Variants in EHMT1 observed in about 807,000 individuals in gnomAD.
EHMT1 encodes the protein histone-lysine N-methyltransferase EHMT1.
EHMT1 carries 15 observed loss-of-function variants against 147.2 expected under a neutral mutation model. That is an observed-to-expected ratio of 0.10 (90% confidence interval 0.07 to 0.16). The LOEUF is 0.16. Among genes scored for constraint, EHMT1 ranks in the 10% least tolerant of loss-of-function variants. The pLI, the probability that EHMT1 is intolerant of heterozygous loss-of-function variation, is 1.00. For synonymous variants in EHMT1, 795 were observed against 709.6 expected (o/e 1.12, Z -1.91); for missense variants, 1,587 against 1,772.4 (o/e 0.90, Z 1.88).
intron 10 of EHMT1, among the ~76,000 whole-genome samples, chr9:137,769,859 C>A (rs1950481422): frequency 6.6e-6 from 1 of 152,022 alleles, no homozygotes; most frequent in African/African-American, 2.4e-5. Flanking sequence ...TTTTTTGAGA[C>A]AGGGTCTTAC....
chr9:137,712,255 C>G (rs1308181525), intron 2 of EHMT1, among the ~76,000 whole-genome samples: 1 of 152,240 alleles, frequency 6.6e-6, no homozygotes, highest in Non-Finnish European at 1.5e-5. Flanking sequence ...GAACTTGTTT[C>G]CTACGTGACA....
At chr9:137,682,412 A>G (rs1271494130) in intron 1 of EHMT1, among the ~76,000 whole-genome samples, 1 of 152,190 alleles carries the variant, frequency 6.6e-6, no homozygotes, top group African/African-American at 2.4e-5. Context: ...TGGAAAATTT[A>G]TGATTTCTAA....
At chr9:137,800,420 C>T (rs10780191) in intron 17 of EHMT1, 187,178 of 207,308 alleles carry the variant, frequency 0.9, 87,128 homozygotes, top group South Asian at 0.99. Context: ...CTCTCCTGCA[C>T]GGAGCCACCA....
At chr9:137,668,600 A>G (rs1939975301) in intron 1 of EHMT1, among the ~76,000 whole-genome samples, 1 of 152,200 alleles carries the variant, frequency 6.6e-6, no homozygotes, top group Non-Finnish European at 1.5e-5. Flanking sequence ...TTATACCATT[A>G]GCAGTTCCTT....
intron 16 of EHMT1, chr9:137,792,197 G>A (rs1032369819): frequency 4.6e-6 from 2 of 434,906 alleles, no homozygotes; most frequent in Non-Finnish European, 9.4e-6. Context: ...AAACAGTGTG[G>A]GACTGGCATA....
chr9:137,724,722 G>C (rs770011940), intron 3 of EHMT1, among the ~76,000 whole-genome samples: 10 of 152,210 alleles, frequency 6.6e-5, no homozygotes, highest in Non-Finnish European at 1.2e-4. Context: ...GTGACATAAA[G>C]GGGGACCGAC....
chr9:137,771,181 C>T (rs902851090), intron 10 of EHMT1, among the ~76,000 whole-genome samples: 23 of 150,674 alleles, frequency 1.5e-4, no homozygotes, highest in African/African-American at 5.2e-4. Context: ...CTCAGAGCTG[C>T]CTCCATCTTC....
At chr9:137,717,228 T>G (rs776863564) in intron 3 of EHMT1, 46 bp downstream of exon 3, 1 of 1,602,160 alleles carries the variant, frequency 6.2e-7, no homozygotes, top group Admixed American at 1.7e-5. Flanking sequence ...CCATCTCTTT[T>G]GTTTTAATAA....
At chr9:137,721,494 C>T (rs1328462035) in intron 3 of EHMT1, among the ~76,000 whole-genome samples, 1 of 81,996 alleles carries the variant, frequency 1.2e-5, no homozygotes, top group African/African-American at 5.6e-5. Flanking sequence ...CGCCTCTCAC[C>T]TTCTCACACG....
intron 25 of EHMT1, among the ~76,000 whole-genome samples, chr9:137,829,930 TAAAC>T (rs1453816780): frequency 1.3e-5 from 2 of 152,214 alleles, no homozygotes; most frequent in Non-Finnish European, 2.9e-5. Flanking sequence ...TTTAAATAAA[TAAAC>T]CTTAAACCTG....
chr9:137,672,894 T>TC (rs1348218468), intron 1 of EHMT1, among the ~76,000 whole-genome samples: 1 of 152,246 alleles, frequency 6.6e-6, no homozygotes, highest in Non-Finnish European at 1.5e-5. Context: ...AATGTGGTCT[T>TC]CTACCAGGAA....
rs115664680 is a variant in EHMT1 at position 137,750,336 on chromosome 9, C to T, written c.1171-1995C>T. Reference sequence around the variant, plus strand: ...CCAGCATTTGGCCTCGTTCTCCACACGTGGGTTGTCTTGGAGCAGATATTT... The same window carrying T: ...CCAGCATTTGGCCTCGTTCTCCACATGTGGGTTGTCTTGGAGCAGATATTT... On this transcript the variant is annotated intron_variant, in intron 6 of 26. Transcript: ENST00000460843. 9.5e-3 allele frequency among the ~76,000 whole-genome samples: 1,447 copies of T among 152,290 alleles called. 18 individuals are homozygous for T. Among genetic ancestry groups the T allele is most frequent in the African/African-American group, 0.032 (1,350 of 41,556 alleles).
chr9:137,758,600 C>T (rs944202470), intron 9 of EHMT1, among the ~76,000 whole-genome samples: 1 of 152,070 alleles, frequency 6.6e-6, no homozygotes, highest in Admixed American at 6.6e-5. Context: ...GTAGCTAATA[C>T]CTATTTGATT....
chr9:137,814,334 A>C, intron 21 of EHMT1, 97 bp from the exon 22 acceptor site: 1 of 1,327,324 alleles, frequency 7.5e-7, no homozygotes, highest in African/African-American at 1.4e-5. Context: ...ACTTACCAGA[A>C]TCAGGGTTAA....
At chr9:137,642,924 C>G (rs1215274155) in intron 1 of EHMT1, among the ~76,000 whole-genome samples, 1 of 151,820 alleles carries the variant, frequency 6.6e-6, no homozygotes, top group African/African-American at 2.4e-5. Context: ...CTCTGTCACC[C>G]AGGTGGGAGT....
At chr9:137,830,045 G>T (rs1396837557) in intron 25 of EHMT1, among the ~76,000 whole-genome samples, 1 of 151,812 alleles carries the variant, frequency 6.6e-6, no homozygotes, top group Non-Finnish European at 1.5e-5. Flanking sequence ...AAGAAATTTT[G>T]GTCTTTTTTT....
intron 1 of EHMT1, among the ~76,000 whole-genome samples, chr9:137,641,784 G>C (rs1008374062): frequency 6.6e-6 from 1 of 152,100 alleles, no homozygotes; most frequent in Non-Finnish European, 1.5e-5. Flanking sequence ...TGGACCCAAG[G>C]GCCTCCTTGC....
intron 19 of EHMT1, among the ~76,000 whole-genome samples, chr9:137,812,620 C>G (rs1029356699): frequency 6.6e-6 from 1 of 152,388 alleles, no homozygotes; most frequent in Non-Finnish European, 1.5e-5. Flanking sequence ...ATGCAGTGAG[C>G]AGGAGTGGAA....
Position 137,834,519 on chromosome 9 carries a change from G to C in EHMT1, c.3711G>C (p.Gln1237His). The change falls in exon 26 of 27, where the codon CAG (glutamine) becomes CAC (histidine). Residue 1237 changes from glutamine to histidine, a missense_variant. Gln to His is a conservative substitution (Grantham distance 24). Around this residue, in one of 7 missense-constraint regions of EHMT1, gnomAD observed 141 missense variants for 150.8 expected, o/e 0.94. Transcript: ENST00000460843. ...FSTRLIEAGE[Q>H]LGFDYGERFW... ...CCCGCCTGATCGAGGCCGGCGAGCA[G>C]CTCGGGTACGCACCGCCCCGGCCCC... 1.2e-6 allele frequency: 2 copies of C among 1,610,418 alleles called. No individual in the cohort carries two copies. The highest frequency in any genetic ancestry group is 1.7e-6 in the Non-Finnish European group (2 of 1,179,694).
Sources: allele counts gnomAD v4.1 joint callset (sites outside exome capture counted in the v4.1 genomes callset), GRCh38; gene constraint gnomAD v4.1.1; regional missense constraint gnomAD v4.1.1; transcripts MANE v1.5; gene names NCBI Gene and HGNC (gene_info 2026-07-23, HGNC 2026-07-21).